The following UNC79 variants were observed in gnomAD, a reference collection of about 807,000 sequenced individuals.
The protein encoded by UNC79 is protein unc-79 homolog.
Under a neutral mutation model 283.1 loss-of-function variants are expected in UNC79, and 37 were observed. The ratio of observed to expected loss-of-function variants is 0.13; its 90% CI spans 0.10 to 0.17. UNC79 has a LOEUF of 0.17. Ranked by LOEUF, UNC79 falls within the 10% of genes least tolerant of loss-of-function variation. The pLI is 1.00. For synonymous variants in UNC79, 1,107 were observed against 1,200.2 expected (o/e 0.92, Z 1.61); for missense variants, 2,272 against 3,211.1 (o/e 0.71, Z 7.07).
chr14:93,674,829 C>G lies in UNC79; in HGVS notation c.6741+1374C>G, dbSNP rs1042803814. 3.9e-5 allele frequency among the ~76,000 whole-genome samples: 6 copies of G among 152,158 alleles called. No individual in the cohort carries two copies. The East Asian group carries it at 9.6e-4, about 24-fold the overall frequency. On this transcript the variant is annotated intron_variant, in intron 41 of 48. Transcript: ENST00000555664. ...GGGGGTTCAGTGGCTTGCCCAAGACCACGGTGCTGGCCTAAGTGACAGGTA... is the reference window on the plus strand; with the variant it reads ...GGGGGTTCAGTGGCTTGCCCAAGACGACGGTGCTGGCCTAAGTGACAGGTA...
chr14:93,661,831 A>T (rs1216528963), intron 39 of UNC79, among the ~76,000 whole-genome samples: 1 of 152,154 alleles, frequency 6.6e-6, no homozygotes, highest in Non-Finnish European at 1.5e-5. Context: ...TTCCAGAGAG[A>T]TTAAATCACT....
chr14:93,501,438 C>T (rs1471108599), intron 7 of UNC79, among the ~76,000 whole-genome samples: 1 of 151,886 alleles, frequency 6.6e-6, no homozygotes, highest in Non-Finnish European at 1.5e-5. Context: ...GCCTGTAATC[C>T]CAGCACTTTG....
chr14:93,643,759 T>A, intron 34 of UNC79, 62 bp downstream of exon 37: 1 of 1,578,676 alleles, frequency 6.3e-7, no homozygotes, highest in South Asian at 1.2e-5. Flanking sequence ...TATCTTGAAC[T>A]AAAAACTACC....
At chr14:93,655,212 G>A (rs769187908) in intron 37 of UNC79, 22 bp from the exon 41 acceptor site, 6 of 1,612,044 alleles carry the variant, frequency 3.7e-6, no homozygotes, top group Non-Finnish European at 5.1e-6. Flanking sequence ...GCAGTTGATG[G>A]CCTATGCTTT....
intron 1 of UNC79, among the ~76,000 whole-genome samples, chr14:93,404,416 G>C (rs548947069): frequency 7.0e-6 from 1 of 143,540 alleles, no homozygotes; most frequent in African/African-American, 2.6e-5. Context: ...CTTGAACCCA[G>C]GAGTTCAAGG....
intron 40 of UNC79, among the ~76,000 whole-genome samples, chr14:93,667,142 GAGA>G (rs890402321): frequency 6.6e-5 from 10 of 151,266 alleles, no homozygotes; most frequent in African/African-American, 2.4e-4. Context: ...GAAGGAGAGA[GAGA>G]AGAAGGAAAG....
chr14:93,334,646 TAC>T (rs1425918498), intron 1 of UNC79: 1 of 152,244 alleles, frequency 6.6e-6, no homozygotes, highest in Non-Finnish European at 1.5e-5. Flanking sequence ...ATTTGCTAAA[TAC>T]AGTTAACACT....
intron 41 of UNC79, among the ~76,000 whole-genome samples, chr14:93,676,705 A>C (rs549448837): frequency 3.3e-5 from 5 of 152,350 alleles, no homozygotes; most frequent in South Asian, 2.1e-4. Context: ...CAACTGTAAT[A>C]AGCACTTGTC....
At chr14:93,460,707 T>A (rs1020175883) in intron 1 of UNC79, among the ~76,000 whole-genome samples, 1 of 151,890 alleles carries the variant, frequency 6.6e-6, no homozygotes, top group South Asian at 2.1e-4. Context: ...AACTAAAAAT[T>A]TATTCTAAGG....
chr14:93,561,449 G>A (rs911545327), intron 14 of UNC79, among the ~76,000 whole-genome samples: 6 of 152,130 alleles, frequency 3.9e-5, no homozygotes, highest in African/African-American at 1.4e-4. Flanking sequence ...GCTATTAAAG[G>A]AAGTTTGGAG....
intron 1 of UNC79, among the ~76,000 whole-genome samples, chr14:93,445,195 G>GA (rs1274259946): frequency 2.0e-5 from 3 of 152,158 alleles, no homozygotes; most frequent in East Asian, 1.9e-4. Context: ...TTTAAAAAAA[G>GA]AAAAAAATAT....
intron 14 of UNC79, among the ~76,000 whole-genome samples, chr14:93,567,653 G>A (rs537254529): frequency 6.6e-6 from 1 of 152,188 alleles, no homozygotes; most frequent in Non-Finnish European, 1.5e-5. Flanking sequence ...ATTGTTTATT[G>A]CTCAATTAAA....
chr14:93,545,231 C>T (rs1432223671), intron 14 of UNC79, among the ~76,000 whole-genome samples: 1 of 152,142 alleles, frequency 6.6e-6, no homozygotes, highest in African/African-American at 2.4e-5. Context: ...TTTCTCTTTA[C>T]AATCACCTGC....
At chr14:93,596,955 T>C (rs2065126216) in intron 23 of UNC79, among the ~76,000 whole-genome samples, 1 of 152,176 alleles carries the variant, frequency 6.6e-6, no homozygotes, top group Non-Finnish European at 1.5e-5. Flanking sequence ...CCAGAGCCAG[T>C]ACTGGTGGGC....
At chr14:93,367,404 T>A (rs1278506812) in intron 1 of UNC79, among the ~76,000 whole-genome samples, 1 of 152,172 alleles carries the variant, frequency 6.6e-6, no homozygotes, top group Non-Finnish European at 1.5e-5. Context: ...CTATAAATAC[T>A]GATACTGATG....
chr14:93,563,797 C>T (rs1288714655), intron 14 of UNC79, among the ~76,000 whole-genome samples: 5 of 151,940 alleles, frequency 3.3e-5, no homozygotes, highest in Non-Finnish European at 5.9e-5. Flanking sequence ...TGTGGGAGCC[C>T]GGATTGAAGT....
intron 31 of UNC79, 163 bp from the exon 35 acceptor site, chr14:93,637,053 A>T: frequency 1.5e-6 from 1 of 663,474 alleles, no homozygotes; most frequent in South Asian, 1.7e-5. Flanking sequence ...TAAAGCCCCA[A>T]ATAACCCTAC....
At position 93,637,204 on chromosome 14, in the gene UNC79, A is replaced by G. The variant is rs1298411320; in HGVS notation, c.5717-12A>G. ...ACCACATCAAAGACTGAAACCCTCTATTTATCCACAGAACAGATACAGCCT... is the reference window on the plus strand; with the variant it reads ...ACCACATCAAAGACTGAAACCCTCTGTTTATCCACAGAACAGATACAGCCT... On this transcript the variant is annotated splice_polypyrimidine_tract_variant and intron_variant, in intron 31 of 48. Transcript: ENST00000555664. 12 of 1,081,242 alleles carry G rather than the reference A, an allele frequency of 1.1e-5. No homozygotes were observed. Among genetic ancestry groups the G allele is most frequent in the African/African-American group, 4.7e-5 (3 of 64,492 alleles). The allele number at this position is 1,081,242 out of a possible 1,614,324, so 67.0% of individuals were successfully genotyped here. A position where few individuals can be genotyped will look rare whatever the true frequency, so the allele number is the denominator to read the frequency against.
At chr14:93,463,245 A>G (rs887074573) in intron 1 of UNC79, among the ~76,000 whole-genome samples, 1 of 152,196 alleles carries the variant, frequency 6.6e-6, no homozygotes, top group African/African-American at 2.4e-5. Context: ...GAAAATGGTG[A>G]TCGGAAAGTG....
Sources: gnomAD v4.1 joint callset for allele counts (sites outside exome capture counted in the v4.1 genomes callset) on GRCh38, gnomAD v4.1.1 for gene constraint, MANE v1.5 for transcripts, NCBI Gene and HGNC (gene_info 2026-07-23, HGNC 2026-07-21) for gene names.